The following ZNF148 variants were observed in gnomAD, a reference collection of about 807,000 sequenced individuals.
ZNF148 encodes zinc finger protein 148, also known as Beta-Enolase Repressor Factor-1.
In ZNF148, 7 loss-of-function variants were observed where a neutral mutation model predicts 67.7. The observed-to-expected ratio is 0.10, with a 90% CI of 0.06 to 0.19. ZNF148 has a LOEUF of 0.19. Among genes scored for constraint, ZNF148 ranks in the 10% least tolerant of loss-of-function variants. The pLI, the probability that ZNF148 is intolerant of heterozygous loss-of-function variation, is 1.00. For missense variants in ZNF148, 583 were observed against 947.1 expected (o/e 0.62, Z 5.05); for synonymous variants, 333 against 330.7 (o/e 1.01, Z -0.08).
chr3:125,272,290 T>C (rs139123726), intron 7 of ZNF148, among the ~76,000 whole-genome samples: 15 of 152,350 alleles, frequency 9.8e-5, no homozygotes, highest in African/African-American at 3.4e-4. Context: ...TGTTCATTCA[T>C]TCAATGACTA....
chr3:125,232,258 C>T lies in ZNF148; in HGVS notation c.*83G>A, dbSNP rs1935883135. On this transcript the variant is annotated 3_prime_UTR_variant, in exon 9 of 9. Transcript: ENST00000360647. This position sits in a 1 kb window ranked among gnomAD's most constrained non-coding sequence, Gnocchi z 4.2. The stretch of plus-strand genomic sequence containing the variant: ...ATTACGCATTGCTCTTAAATCTGTA[C>T]AGCACTCCATTTACACAGAGTAACC... The T allele has an allele frequency of 1.4e-6, 2 of 1,436,794 alleles. No homozygotes were observed. The highest frequency in any genetic ancestry group is 1.9e-6 in the Non-Finnish European group (2 of 1,078,242). The allele number at this position is 1,436,794 out of a possible 1,614,324, so 89.0% of individuals were successfully genotyped here. A position where few individuals can be genotyped will look rare whatever the true frequency, so the allele number is the denominator to read the frequency against.
chr3:125,357,891 C>G (rs1031475611), intron 1 of ZNF148: 1 of 152,088 alleles, frequency 6.6e-6, no homozygotes, highest in African/African-American at 2.4e-5. Flanking sequence ...TCCTCTTACT[C>G]TAACTTTTCC....
intron 1 of ZNF148, among the ~76,000 whole-genome samples, chr3:125,355,932 G>T (rs948976418): frequency 1.3e-5 from 2 of 152,172 alleles, no homozygotes; most frequent in Non-Finnish European, 2.9e-5. Context: ...GTTTTCAACA[G>T]AGATTAATGA....
At chr3:125,273,053 A>C (rs879337043) in intron 7 of ZNF148, among the ~76,000 whole-genome samples, 5 of 152,236 alleles carry the variant, frequency 3.3e-5, no homozygotes, top group Admixed American at 6.5e-5. Context: ...TCTCTATTAG[A>C]GCTAATTAAC....
intron 7 of ZNF148, among the ~76,000 whole-genome samples, chr3:125,239,651 C>G (rs1371041652): frequency 6.6e-6 from 1 of 152,138 alleles, no homozygotes; most frequent in Non-Finnish European, 1.5e-5. Flanking sequence ...CAATTTCACC[C>G]CTAAGCACAT....
At chr3:125,276,940 G>A (rs1247681439) in intron 7 of ZNF148, among the ~76,000 whole-genome samples, 4 of 152,030 alleles carry the variant, frequency 2.6e-5, no homozygotes, top group African/African-American at 9.7e-5. Flanking sequence ...AAAATATGAA[G>A]AACTTAAATA....
chr3:125,358,939 G>A (rs905384401), intron 1 of ZNF148, among the ~76,000 whole-genome samples: 6 of 152,082 alleles, frequency 3.9e-5, no homozygotes, highest in African/African-American at 1.4e-4. Context: ...AATTAATATA[G>A]TTATCATTTA....
At chr3:125,375,000 C>G (rs1463584935) in intron 1 of ZNF148, 102 bp downstream of exon 1, 1 of 151,746 alleles carries the variant, frequency 6.6e-6, no homozygotes, top group African/African-American at 2.4e-5. Flanking sequence ...GCTCGCTCCC[C>G]CCGGGGTCAG....
intron 3 of ZNF148, 90 bp downstream of exon 3, chr3:125,323,218 TC>T (rs1407087316): frequency 2.3e-6 from 1 of 438,214 alleles, no homozygotes; most frequent in African/African-American, 2.0e-5. Context: ...TTATATAAAT[TC>T]AGTATAAAAT....
At chr3:125,260,382 G>A (rs1417243623) in intron 7 of ZNF148, among the ~76,000 whole-genome samples, 1 of 151,860 alleles carries the variant, frequency 6.6e-6, no homozygotes, top group Non-Finnish European at 1.5e-5. Context: ...TCTATCATAT[G>A]ACCCAGCAAT....
intron 7 of ZNF148, among the ~76,000 whole-genome samples, chr3:125,250,559 A>T (rs1488405731): frequency 6.6e-6 from 1 of 152,060 alleles, no homozygotes; most frequent in African/African-American, 2.4e-5. Context: ...TTCTATAGTT[A>T]AAAAAAATGT....
At chr3:125,343,940 C>CT (rs902977679) in intron 1 of ZNF148, 1 of 160,962 alleles carries the variant, frequency 6.2e-6, no homozygotes, top group Non-Finnish European at 1.3e-5. Context: ...CTCTGTTGAG[C>CT]TGTCTATAAA....
At chr3:125,256,967 GTTTT>G (rs10576530) in intron 7 of ZNF148, among the ~76,000 whole-genome samples, 65,249 of 107,828 alleles carry the variant, frequency 0.61, 18,943 homozygotes, top group African/African-American at 0.72. Context: ...AGAACTTCCA[GTTTT>G]TTTTTTTTTT....
Position 125,233,727 on chromosome 3 carries a change from C to T in ZNF148, c.999G>A (p.Leu333=). ...KSSGMDKESA[L]DKSDLKKDKN... ...TGTCTTTTTTCAGGTCAGATTTGTC[C>T]AAAGCACTCTCTTTGTCCATTCCAG... The change falls in exon 9 of 9, where the codon TTG becomes TTA. Residue 333 remains leucine, a synonymous_variant. Transcript: ENST00000360647. This position sits in a 1 kb window ranked among gnomAD's most constrained non-coding sequence, Gnocchi z 5.1. 1 of 1,613,716 alleles carries T rather than the reference C, an allele frequency of 6.2e-7. No homozygotes were observed. The highest frequency in any genetic ancestry group is 8.5e-7 in the Non-Finnish European group (1 of 1,179,830).
intron 2 of ZNF148, among the ~76,000 whole-genome samples, chr3:125,326,782 A>T (rs1941042882): frequency 6.8e-6 from 1 of 147,604 alleles, no homozygotes; most frequent in Non-Finnish European, 1.5e-5. Context: ...ATCTTTATAT[A>T]CATACATCAA....
intron 4 of ZNF148, chr3:125,311,131 C>A: frequency 5.3e-6 from 1 of 189,338 alleles, no homozygotes; most frequent in East Asian, 1.4e-4. Flanking sequence ...AAGAGTAGCT[C>A]CATGGTTTGG....
chr3:125,324,976 A>G (rs115010207), intron 2 of ZNF148, among the ~76,000 whole-genome samples: 28 of 152,270 alleles, frequency 1.8e-4, no homozygotes, highest in African/African-American at 6.3e-4. Flanking sequence ...TGTATCATAT[A>G]TAAACTATAG....
intron 7 of ZNF148, among the ~76,000 whole-genome samples, chr3:125,242,595 C>T (rs1055097742): frequency 1.3e-5 from 2 of 152,174 alleles, no homozygotes; most frequent in African/African-American, 4.8e-5. Flanking sequence ...TGCGCCACTG[C>T]ACTCCAGCCT....
chr3:125,313,680 A>G, intron 3 of ZNF148, 24 bp from the exon 4 acceptor site: 2 of 1,553,238 alleles, frequency 1.3e-6, no homozygotes, highest in Non-Finnish European at 1.8e-6. Context: ...TTTGGCAACA[A>G]AACATAGTAA....
Sources: gnomAD v4.1 joint callset for allele counts (sites outside exome capture counted in the v4.1 genomes callset) on GRCh38, gnomAD v4.1.1 for gene constraint, Gnocchi (gnomAD v3.1) non-coding constraint, MANE v1.5 for transcripts, NCBI Gene and HGNC (gene_info 2026-07-23, HGNC 2026-07-21) for gene names.